The following HSP90B1 variants were observed in gnomAD, a reference collection of about 807,000 sequenced individuals.
HSP90B1 encodes endoplasmin.
HSP90B1 carries 27 observed loss-of-function variants against 100.4 expected under a neutral mutation model. The ratio of observed to expected loss-of-function variants is 0.27; its 90% CI spans 0.20 to 0.37. The LOEUF is 0.37. Among genes scored for constraint, HSP90B1 ranks in the 10% least tolerant of loss-of-function variants. The pLI is 1.00. For synonymous variants in HSP90B1, 304 were observed against 330.8 expected (o/e 0.92, Z 0.88); for missense variants, 678 against 960.5 (o/e 0.71, Z 3.89).
intron 5 of HSP90B1, among the ~76,000 whole-genome samples, chr12:103,935,137 T>G (rs1413597243): frequency 6.6e-6 from 1 of 152,146 alleles, no homozygotes; most frequent in Non-Finnish European, 1.5e-5. Flanking sequence ...GGGGCTGGCT[T>G]GTAGAGATAA....
Position 103,938,453 on chromosome 12 carries a change from T to G in HSP90B1, c.969T>G (p.Thr323=). ...AAGAAGAAGAAAAGAAACCAAAGAC[T>G]AAAAAAGTAAGTCTGGTTTATCTCC... ...EEEEEEKKPK[T]KKVEKTVWDW... The change falls in exon 7 of 18, where the codon ACT becomes ACG. Residue 323 remains threonine (T), a synonymous_variant. Transcript: ENST00000299767. 6.2e-7 allele frequency: 1 copy of G among 1,608,898 alleles called. No homozygotes were observed. The highest frequency in any genetic ancestry group is 8.5e-7 in the Non-Finnish European group (1 of 1,177,836).
Position 103,943,727 on chromosome 12 carries a change from C to A in HSP90B1, c.1891-11C>A, listed in dbSNP as rs1870145064. ...GATATTAATTTATATGACTTGATTT[C>A]TTTCCCTAAGATTGAAAAGGCTGTG... On this transcript the variant is annotated splice_polypyrimidine_tract_variant and intron_variant, in intron 13 of 17. Transcript: ENST00000299767. The surrounding 1 kb of genome is among the most constrained non-coding windows in gnomAD (Gnocchi z 5.3). The A allele has an allele frequency of 6.2e-7, 1 of 1,608,932 alleles. No individual in the cohort carries two copies. The highest frequency in any genetic ancestry group is 8.5e-7 in the Non-Finnish European group (1 of 1,178,236).
chr12:103,938,673 G>A, intron 7 of HSP90B1: 1 of 352,020 alleles, frequency 2.8e-6, no homozygotes, highest in Non-Finnish European at 5.2e-6. Flanking sequence ...TTTATGAAGA[G>A]TTTTCTAACT....
In HSP90B1 at chr12:103,947,620, T is replaced by TA. The variant is rs111907849; in HGVS notation, c.2383-12dup. ...CTTTTAATACCTTCTGGGTTTTTTT[T>TA]ATTTATTTACAGGAATCTACAGCTG... On this transcript the variant is annotated splice_polypyrimidine_tract_variant and intron_variant, in intron 17 of 17. Coordinates refer to ENST00000299767, the MANE Select transcript of HSP90B1 (RefSeq NM_003299.3). 141 of 1,571,354 alleles carry TA rather than the reference T, an allele frequency of 9.0e-5. No individual in the cohort carries two copies. The highest frequency in any genetic ancestry group is 5.2e-4 in the Admixed American group (28 of 53,526).
At chr12:103,934,684 A>G (rs1467326134) in intron 5 of HSP90B1, among the ~76,000 whole-genome samples, 1 of 152,196 alleles carries the variant, frequency 6.6e-6, no homozygotes, top group Non-Finnish European at 1.5e-5. Context: ...AGTTATGGAT[A>G]GAATGTGATG....
chr12:103,937,824 A>T lies in HSP90B1; in HGVS notation c.855+18A>T, dbSNP rs1470225166. On this transcript the variant is annotated intron_variant, in intron 6 of 17. Coordinates refer to ENST00000299767, the MANE Select transcript of HSP90B1 (RefSeq NM_003299.3). ...GCAGCAAGGTAAATCTATATTGATT[A>T]AAAACTTATATGTATTACCTTGGCA... 1 of 1,216,248 alleles carries T rather than the reference A, an allele frequency of 8.2e-7. No individual in the cohort carries two copies. The highest frequency in any genetic ancestry group is 1.5e-5 in the African/African-American group (1 of 66,472). The allele number at this position is 1,216,248 out of a possible 1,614,324, so 75.3% of individuals were successfully genotyped here.
chr12:103,940,670 A>G (rs1379872583), intron 8 of HSP90B1, among the ~76,000 whole-genome samples: 1 of 152,208 alleles, frequency 6.6e-6, no homozygotes, highest in Non-Finnish European at 1.5e-5. Context: ...TGAGCCACAC[A>G]TGATTTGAAA....
Position 103,933,967 on chromosome 12 carries a change from G to C in HSP90B1, c.423G>C (p.Glu141Asp). 3 of 1,613,000 alleles carry C rather than the reference G, an allele frequency of 1.9e-6. No homozygotes were observed. The highest frequency in any genetic ancestry group is 2.5e-6 in the Non-Finnish European group (3 of 1,179,084). ...TGTCTTGCATTTAGTGTGATAAGGA[G>C]AAGAACCTGCTGCATGTCACAGACA... is the stretch of plus-strand genomic sequence containing the variant. ...ELTVKIKCDKEKNLLHVTDTG... is the reference protein window; with the variant it reads ...ELTVKIKCDKDKNLLHVTDTG... Residue 141 changes from glutamate (E) to aspartate (D), a missense_variant, in exon 5 of 18, where the codon GAG (glutamate) becomes GAC (aspartate). This residue lies in a region of HSP90B1 where 238 missense variants were observed against 346.7 expected (regional missense o/e 0.69). Coordinates refer to ENST00000299767, the MANE Select transcript of HSP90B1 (RefSeq NM_003299.3).
rs1870261204 is a variant in HSP90B1 at position 103,947,206 on chromosome 12, G to A, written c.2263-105G>A. 4 of 1,386,944 alleles carry A rather than the reference G, an allele frequency of 2.9e-6. No individual in the cohort carries two copies. The South Asian group carries it at 4.4e-5, about 15-fold the overall frequency. The allele number at this position is 1,386,944 out of a possible 1,614,324, so 85.9% of individuals were successfully genotyped here. ...TTCTAGTTAAGAGGATTTAGTCTGT[G>A]GTTCTGAATAAACAGAAGTGACATT... On this transcript the variant is annotated intron_variant, in intron 16 of 17. Coordinates refer to ENST00000299767, the MANE Select transcript of HSP90B1 (RefSeq NM_003299.3).
At position 103,941,435 on chromosome 12, in the gene HSP90B1, T is replaced by C; in HGVS notation, c.1118T>C (p.Ile373Thr). ...SKESDDPMAY[I>T]HFTAEGEVTF... ...GAAAGTGATGACCCCATGGCTTATA[T>C]TCACTTTACTGCTGAAGGGGAAGTT... The change falls in exon 9 of 18, where the codon ATT becomes ACT. Residue 373 changes from isoleucine to threonine, a missense_variant. By Grantham distance (89) the Ile-to-Thr change is moderately conservative (BLOSUM62 -1). Around this residue, in one of 8 missense-constraint regions of HSP90B1, gnomAD observed 238 missense variants for 346.7 expected, o/e 0.69. Transcript: ENST00000299767. The C allele has an allele frequency of 1.2e-6, 2 of 1,612,664 alleles. No homozygotes were observed.
rs141744749 is a variant in HSP90B1 at position 103,943,245 on chromosome 12, G to A, written c.1816G>A (p.Glu606Lys). 1,090 of 1,614,166 alleles carry A rather than the reference G, an allele frequency of 6.8e-4. 4 individuals are homozygous for A. Among genetic ancestry groups the A allele is most frequent in the Non-Finnish European group, 8.5e-4 (1,006 of 1,180,018 alleles). Residue 606 changes from glutamate (E) to lysine (K), a missense_variant, in exon 13 of 18, where the codon GAG becomes AAG. This residue lies in a region of HSP90B1 where 170 missense variants were observed against 236.7 expected (regional missense o/e 0.72). Transcript: ENST00000299767. The surrounding 1 kb of genome is among the most constrained non-coding windows in gnomAD (Gnocchi z 5.3). Reference protein sequence around the residue: ...VKFDESEKTKESREAVEKEFE... With the variant: ...VKFDESEKTKKSREAVEKEFE... Reference sequence around the variant, plus strand: ...GTTCGATGAAAGTGAGAAAACTAAGGAGAGTCGTGAAGCAGTTGAGAAAGA... The same window carrying A: ...GTTCGATGAAAGTGAGAAAACTAAGAAGAGTCGTGAAGCAGTTGAGAAAGA...
chr12:103,933,178 A>G (rs1256122803), intron 4 of HSP90B1, among the ~76,000 whole-genome samples: 1 of 152,248 alleles, frequency 6.6e-6, no homozygotes, highest in Non-Finnish European at 1.5e-5. Context: ...CTGTGCTTCA[A>G]CAGCAGAGTC....
At chr12:103,935,365 T>C (rs1463931495) in intron 5 of HSP90B1, among the ~76,000 whole-genome samples, 4 of 152,186 alleles carry the variant, frequency 2.6e-5, no homozygotes, top group East Asian at 1.9e-4. Context: ...AATTTTACCA[T>C]CTTGGAGATG....
rs1869835059 is a variant in HSP90B1, at chr12:103,933,974, C to T, written c.430C>T (p.Leu144=). ...VKIKCDKEKN[L]LHVTDTGVGM... ...CATTTAGTGTGATAAGGAGAAGAAC[C>T]TGCTGCATGTCACAGACACCGGTGT... The change falls in exon 5 of 18, where the codon CTG becomes TTG. Residue 144 remains leucine, a synonymous_variant. Transcript: ENST00000299767. 1 of 1,613,286 alleles carries T rather than the reference C, an allele frequency of 6.2e-7. No homozygotes were observed. Among genetic ancestry groups the T allele is most frequent in the Non-Finnish European group, 8.5e-7 (1 of 1,179,414 alleles).
At chr12:103,932,230 A>C in intron 2 of HSP90B1, 47 bp from the exon 3 acceptor site, 1 of 1,501,978 alleles carries the variant, frequency 6.7e-7, no homozygotes, top group Non-Finnish European at 9.0e-7. Context: ...CTAGTTTTGA[A>C]GGGAACTATG....
At chr12:103,940,646 A>G (rs1445553712) in intron 8 of HSP90B1, among the ~76,000 whole-genome samples, 4 of 152,180 alleles carry the variant, frequency 2.6e-5, no homozygotes, top group African/African-American at 9.7e-5. Context: ...GCTGTATTAG[A>G]AATATAATTA....
chr12:103,943,640 A>G lies in HSP90B1; in HGVS notation c.1891-98A>G. The G allele has an allele frequency of 8.2e-7, 1 of 1,223,570 alleles. No homozygotes were observed. The highest frequency in any genetic ancestry group is 1.1e-6 in the Non-Finnish European group (1 of 882,108). 75.8% of individuals were successfully genotyped at this position (1,223,570 alleles called of 1,614,324 possible). On this transcript the variant is annotated intron_variant, in intron 13 of 17. Transcript: ENST00000299767. The surrounding 1 kb of genome is among the most constrained non-coding windows in gnomAD (Gnocchi z 5.3). Reference sequence around the variant, plus strand: ...ATTTTTATGACCTGCTTCTGTGTTTATGATCTTAAGTGATAAAGTCTTAGA... The same window carrying G: ...ATTTTTATGACCTGCTTCTGTGTTTGTGATCTTAAGTGATAAAGTCTTAGA...
In HSP90B1 at chr12:103,943,625, C is replaced by T; in HGVS notation, c.1891-113C>T. ...ACCTTAAGAAAAGCTATTTTTATGA[C>T]CTGCTTCTGTGTTTATGATCTTAAG... On this transcript the variant is annotated intron_variant, in intron 13 of 17. Coordinates refer to ENST00000299767, the MANE Select transcript of HSP90B1 (RefSeq NM_003299.3). The surrounding 1 kb of genome is among the most constrained non-coding windows in gnomAD (Gnocchi z 5.3). The T allele has an allele frequency of 1.8e-6, 2 of 1,088,660 alleles. No homozygotes were observed. Among genetic ancestry groups the T allele is most frequent in the Non-Finnish European group, 2.6e-6 (2 of 770,912 alleles). The allele number at this position is 1,088,660 out of a possible 1,614,324, so 67.4% of individuals were successfully genotyped here. A position where few individuals can be genotyped will look rare whatever the true frequency, so the allele number is the denominator to read the frequency against.
chr12:103,943,691 C>T lies in HSP90B1; in HGVS notation c.1891-47C>T, dbSNP rs1166623161. 3 of 1,572,238 alleles carry T rather than the reference C, an allele frequency of 1.9e-6. No individual in the cohort carries two copies. The highest frequency in any genetic ancestry group is 1.7e-6 in the Non-Finnish European group (2 of 1,152,472). ...CAGTTGAAAGACAATTGCTCAATGA[C>T]CTTACCTGTTGATATTAATTTATAT... On this transcript the variant is annotated intron_variant, in intron 13 of 17. Coordinates refer to ENST00000299767, the MANE Select transcript of HSP90B1 (RefSeq NM_003299.3). The surrounding 1 kb of genome is among the most constrained non-coding windows in gnomAD (Gnocchi z 5.3).
Sources: gnomAD v4.1 joint callset for allele counts (sites outside exome capture counted in the v4.1 genomes callset) on GRCh38, gnomAD v4.1.1 for gene constraint, gnomAD v4.1.1 regional missense constraint, Gnocchi (gnomAD v3.1) non-coding constraint, MANE v1.5 for transcripts, NCBI Gene and HGNC (gene_info 2026-07-23, HGNC 2026-07-21) for gene names.